THTPA: variants seen among roughly 807,000 people sequenced by gnomAD.
THTPA encodes the protein thiamine triphosphatase.
A neutral mutation model predicts 16.5 loss-of-function variants in THTPA; 16 were observed. The ratio of observed to expected loss-of-function variants is 0.97; its 90% CI spans 0.66 to 1.47. The LOEUF is 1.47. THTPA is among the 40% of genes most tolerant of loss of function. The pLI is 0.00. For missense variants in THTPA, 281 were observed against 280.9 expected (o/e 1.00, Z 0.00); for synonymous variants, 110 against 115.5 (o/e 0.95, Z 0.30).
chr14:23,524,361 G>A, the THTPA span: 9 of 1,536,246 alleles, frequency 5.9e-6, no homozygotes, highest in South Asian at 3.6e-5. The surrounding 1 kb of genome is among the most constrained non-coding windows in gnomAD (Gnocchi z 5.6). Context: ...ATGGTGGTGC[G>A]CAGGCGCTTG....
the THTPA span, chr14:23,524,504 C>G: frequency 6.5e-7 from 1 of 1,527,576 alleles, no homozygotes; most frequent in Admixed American, 2.0e-5. The surrounding 1 kb of genome is among the most constrained non-coding windows in gnomAD (Gnocchi z 5.6). Flanking sequence ...GTTTCTCTCC[C>G]CAAACACCAG....
At chr14:23,533,460 C>A in the THTPA span, 1 of 1,534,886 alleles carries the variant, frequency 6.5e-7, no homozygotes, top group East Asian at 2.4e-5. The surrounding 1 kb of genome is among the most constrained non-coding windows in gnomAD (Gnocchi z 4.8). Flanking sequence ...TGGGGGTAGC[C>A]CCTGGTGGGG....
chr14:23,524,133 G>A, the THTPA span: 1 of 1,536,010 alleles, frequency 6.5e-7, no homozygotes, highest in African/African-American at 1.4e-5. The surrounding 1 kb of genome is among the most constrained non-coding windows in gnomAD (Gnocchi z 5.6). Context: ...AAGGATGCAG[G>A]GGTGGCTGTG....
At position 23,556,844 on chromosome 14, in the gene THTPA, G is replaced by C. The variant is rs749054467; in HGVS notation, c.87G>C (p.Leu29=). The C allele has an allele frequency of 8.1e-6, 13 of 1,612,954 alleles. No homozygotes were observed. Among genetic ancestry groups the C allele is most frequent in the Non-Finnish European group, 1.1e-5 (13 of 1,179,546 alleles). Residue 29 remains leucine, a synonymous_variant, in exon 1 of 2, where the codon CTG becomes CTC. Transcript: ENST00000288014. The part of the protein sequence containing the change: ...EERLQELGGT[L]EYRVTFRDTY... ...GGCTGCAGGAGTTGGGGGGCACCCT[G>C]GAGTACCGGGTCACCTTCCGAGACA...
At chr14:23,528,796 T>G in the THTPA span, 1 of 985,434 alleles carries the variant, frequency 1.0e-6, no homozygotes, top group Non-Finnish European at 1.2e-6. Context: ...TCAGCCACAC[T>G]TCCAGAGGGG....
the THTPA span, among the ~76,000 whole-genome samples, chr14:23,548,013 C>T: frequency 6.6e-6 from 1 of 152,158 alleles, no homozygotes; most frequent in African/African-American, 2.4e-5. Context: ...ATTTCACAAC[C>T]CTTCCCTTTT....
chr14:23,558,975 C>T lies in THTPA; in HGVS notation c.*135C>T. On this transcript the variant is annotated 3_prime_UTR_variant, in exon 2 of 2. Coordinates refer to ENST00000288014, the MANE Select transcript of THTPA (RefSeq NM_024328.6). Reference sequence around the variant, plus strand: ...CCAGCGCTGCCTGTTTCTTCCCCCTCCTCTAAGCTACTCTTCCTTGAGCCC... The same window carrying T: ...CCAGCGCTGCCTGTTTCTTCCCCCTTCTCTAAGCTACTCTTCCTTGAGCCC... 9.2e-7 allele frequency: 1 copy of T among 1,085,398 alleles called. No homozygotes were observed. Among genetic ancestry groups the T allele is most frequent in the Non-Finnish European group, 1.3e-6 (1 of 767,638 alleles). 67.2% of individuals were successfully genotyped at this position (1,085,398 alleles called of 1,614,324 possible). A position where few individuals can be genotyped will look rare whatever the true frequency, so the allele number is the denominator to read the frequency against.
At chr14:23,544,179 C>G in the THTPA span, 1 of 151,228 alleles carries the variant, frequency 6.6e-6, no homozygotes, top group Admixed American at 6.6e-5. Context: ...CGCTTGAACC[C>G]GGGAAGCAGA....
chr14:23,516,386 G>A, the THTPA span, among the ~76,000 whole-genome samples: 1 of 152,186 alleles, frequency 6.6e-6, no homozygotes, highest in Non-Finnish European at 1.5e-5. Flanking sequence ...GTGTGTGTAT[G>A]CGTTTTGGGT....
At chr14:23,526,416 T>C in the THTPA span, 1 of 1,536,094 alleles carries the variant, frequency 6.5e-7, no homozygotes, top group South Asian at 1.2e-5. Context: ...AAGTTGGTGG[T>C]TTTCCGATAG....
chr14:23,523,336 C>A, the THTPA span: 1 of 1,461,942 alleles, frequency 6.8e-7, no homozygotes, highest in Non-Finnish European at 9.0e-7. This position sits in a 1 kb window ranked among gnomAD's most constrained non-coding sequence, Gnocchi z 4.1. Flanking sequence ...CAGGTGGGGC[C>A]TTGAGAGCTG....
chr14:23,558,343 C>G (rs958953930), intron 1 of THTPA, among the ~76,000 whole-genome samples: 3 of 152,222 alleles, frequency 2.0e-5, no homozygotes, highest in African/African-American at 7.2e-5. Flanking sequence ...TTGGCCTGGT[C>G]TAGGGCTTTA....
the THTPA span, chr14:23,529,258 C>G: frequency 2.4e-5 from 4 of 165,960 alleles, no homozygotes; most frequent in Admixed American, 6.0e-5. Flanking sequence ...TTGGTTGGTG[C>G]CCCTACCCTT....
intron 1 of THTPA, among the ~76,000 whole-genome samples, chr14:23,558,434 C>G (rs559499429): frequency 6.6e-6 from 1 of 152,334 alleles, no homozygotes; most frequent in East Asian, 1.9e-4. Flanking sequence ...CTGGGTGCCT[C>G]TTCGCCATTT....
chr14:23,525,148 G>T, the THTPA span: 6 of 1,536,168 alleles, frequency 3.9e-6, no homozygotes, highest in Non-Finnish European at 5.2e-6. The surrounding 1 kb of genome is among the most constrained non-coding windows in gnomAD (Gnocchi z 5.9). Context: ...ACTTGGTTCT[G>T]GAGAACCGGC....
chr14:23,555,901 G>A (rs1882325620), upstream of THTPA: 1 of 152,290 alleles, frequency 6.6e-6, no homozygotes, highest in African/African-American at 2.4e-5. Flanking sequence ...TTTAGGTAGA[G>A]TACCGCAGGC....
chr14:23,519,618 G>A, the THTPA span, among the ~76,000 whole-genome samples: 3 of 152,150 alleles, frequency 2.0e-5, no homozygotes, highest in African/African-American at 7.2e-5. Flanking sequence ...TTTGCTGTTA[G>A]TTAGAAAACT....
At chr14:23,533,912 T>G in the THTPA span, 26 of 1,537,932 alleles carry the variant, frequency 1.7e-5, no homozygotes, top group Non-Finnish European at 2.2e-5. The surrounding 1 kb of genome is among the most constrained non-coding windows in gnomAD (Gnocchi z 4.8). Context: ...TTCTCTCGCA[T>G]GTGCACATCC....
At chr14:23,533,462 C>T in the THTPA span, 1 of 1,535,046 alleles carries the variant, frequency 6.5e-7, no homozygotes, top group Non-Finnish European at 8.7e-7. The surrounding 1 kb of genome is among the most constrained non-coding windows in gnomAD (Gnocchi z 4.8). Context: ...GGGGTAGCCC[C>T]TGGTGGGGGA....
Sources: gnomAD v4.1 joint callset for allele counts (sites outside exome capture counted in the v4.1 genomes callset) on GRCh38, gnomAD v4.1.1 for gene constraint, Gnocchi (gnomAD v3.1) non-coding constraint, MANE v1.5 for transcripts, NCBI Gene and HGNC (gene_info 2026-07-23, HGNC 2026-07-21) for gene names.